The following HPSE2 variants were observed in gnomAD, a reference collection of about 807,000 sequenced individuals.
HPSE2 encodes heparanase 2 (inactive).
Under a neutral mutation model 60.5 loss-of-function variants are expected in HPSE2, and 38 were observed. The ratio of observed to expected loss-of-function variants is 0.63; its 90% confidence interval spans 0.48 to 0.82. The LOEUF is 0.82. Ranked by LOEUF, HPSE2 falls within the 40% of genes least tolerant of loss-of-function variation. HPSE2 has a pLI of 0.00. For synonymous variants in HPSE2, 295 were observed against 293.2 expected (o/e 1.01, Z -0.06); for missense variants, 713 against 740.4 (o/e 0.96, Z 0.43).
intron 9 of HPSE2, among the ~76,000 whole-genome samples, chr10:98,511,658 C>T (rs1942410874): frequency 6.6e-6 from 1 of 150,650 alleles, no homozygotes; most frequent in Non-Finnish European, 1.5e-5. Context: ...AAGGAAGTTT[C>T]TTGAGATCAG....
chr10:98,597,968 C>T (rs1216527231), intron 9 of HPSE2, among the ~76,000 whole-genome samples: 5 of 78,816 alleles, frequency 6.3e-5, no homozygotes, highest in African/African-American at 2.7e-4. Flanking sequence ...GAGACTCCAT[C>T]TCAAAAAAAA....
At chr10:99,016,243 C>T (rs1398146181) in intron 3 of HPSE2, among the ~76,000 whole-genome samples, 1 of 152,180 alleles carries the variant, frequency 6.6e-6, no homozygotes, top group Non-Finnish European at 1.5e-5. Flanking sequence ...TTTTAATCTT[C>T]TGCATATTGC....
At chr10:99,222,730 T>C (rs1849353216) in intron 2 of HPSE2, among the ~76,000 whole-genome samples, 2 of 152,226 alleles carry the variant, frequency 1.3e-5, no homozygotes, top group Admixed American at 6.5e-5. Flanking sequence ...AGTCCTTTCC[T>C]ACATTGGATC....
At chr10:99,279,172 G>A in the HPSE2 span, among the ~76,000 whole-genome samples, 3 of 152,116 alleles carry the variant, frequency 2.0e-5, no homozygotes, top group African/African-American at 4.8e-5. Flanking sequence ...ATAGAAGACA[G>A]AACCTGTTAG....
chr10:99,020,420 T>G (rs1275507082), intron 3 of HPSE2, among the ~76,000 whole-genome samples: 1 of 152,222 alleles, frequency 6.6e-6, no homozygotes, highest in African/African-American at 2.4e-5. Context: ...TATGGAATAC[T>G]GGTCTCCTGG....
intron 3 of HPSE2, among the ~76,000 whole-genome samples, chr10:98,774,978 G>T (rs1950310252): frequency 6.6e-6 from 1 of 152,176 alleles, no homozygotes; most frequent in South Asian, 2.1e-4. Context: ...TAGTGTTGTT[G>T]GTGACCTAGG....
intron 7 of HPSE2, among the ~76,000 whole-genome samples, chr10:98,634,362 A>G (rs912901949): frequency 2.6e-5 from 4 of 152,198 alleles, no homozygotes; most frequent in Non-Finnish European, 5.9e-5. Context: ...AATTAATCAA[A>G]CAAATACTGA....
chr10:98,966,818 A>G (rs1358891964), intron 3 of HPSE2, among the ~76,000 whole-genome samples: 1 of 152,248 alleles, frequency 6.6e-6, no homozygotes, highest in African/African-American at 2.4e-5. Context: ...ATAAATGTTC[A>G]GGTGACGAAT....
chr10:99,148,054 A>C (rs1043630281), intron 2 of HPSE2, among the ~76,000 whole-genome samples: 8 of 152,224 alleles, frequency 5.3e-5, no homozygotes, highest in Admixed American at 2.6e-4. Flanking sequence ...GCTTAATATA[A>C]GTCAGTGCTA....
chr10:98,851,627 A>C (rs1952175776), intron 3 of HPSE2, among the ~76,000 whole-genome samples: 1 of 152,146 alleles, frequency 6.6e-6, no homozygotes, highest in Non-Finnish European at 1.5e-5. Flanking sequence ...ATTTTGAGGG[A>C]ATCTTCCTTA....
intron 2 of HPSE2, among the ~76,000 whole-genome samples, chr10:99,202,331 A>G (rs768284176): frequency 6.6e-6 from 1 of 152,212 alleles, no homozygotes; most frequent in Non-Finnish European, 1.5e-5. Context: ...GGGTATTCAG[A>G]AATTCAATAT....
intron 10 of HPSE2, among the ~76,000 whole-genome samples, chr10:98,484,846 A>G (rs1941381452): frequency 6.6e-6 from 1 of 152,204 alleles, no homozygotes; most frequent in Non-Finnish European, 1.5e-5. Flanking sequence ...CAGCAAAACT[A>G]TAATGATTTC....
At chr10:98,481,817 A>G (rs1003235372) in intron 11 of HPSE2, among the ~76,000 whole-genome samples, 7 of 152,218 alleles carry the variant, frequency 4.6e-5, no homozygotes, top group African/African-American at 1.7e-4. Flanking sequence ...AAAATGGAAT[A>G]GGAATGCCTC....
chr10:99,286,934 A>G, the HPSE2 span, among the ~76,000 whole-genome samples: 1 of 152,186 alleles, frequency 6.6e-6, no homozygotes, highest in East Asian at 1.9e-4. Flanking sequence ...TGATGCTTAG[A>G]GAGCTTGCAG....
In HPSE2 at chr10:98,910,833, T is replaced by G. The variant is rs114318264; in HGVS notation, c.611-166777A>C. Reference sequence around the variant, plus strand: ...ATACATTTGTGGATTGAAAAAAAATTTTTAAGGTATTAAGGCATGAGTGCT... The same window carrying G: ...ATACATTTGTGGATTGAAAAAAAATGTTTAAGGTATTAAGGCATGAGTGCT... On this transcript the variant is annotated intron_variant, in intron 3 of 11. Transcript: ENST00000370552. 5.1e-3 allele frequency among the ~76,000 whole-genome samples: 774 copies of G among 152,270 alleles called. 5 individuals carry two copies. The highest frequency in any genetic ancestry group is 0.018 in the African/African-American group (737 of 41,538).
chr10:98,790,695 T>A (rs1442730779), intron 3 of HPSE2, among the ~76,000 whole-genome samples: 1 of 152,242 alleles, frequency 6.6e-6, no homozygotes, highest in South Asian at 2.1e-4. Context: ...CTTTACTGAA[T>A]ATTTCTACAA....
At chr10:99,251,862 CAAAAA>C in the HPSE2 span, among the ~76,000 whole-genome samples, 126 of 57,288 alleles carry the variant, frequency 2.2e-3, no homozygotes, top group African/African-American at 7.6e-3. Flanking sequence ...CTCTCTCTAC[CAAAAA>C]AAAAAAAAAA....
intron 3 of HPSE2, among the ~76,000 whole-genome samples, chr10:99,071,659 GT>G (rs984602618): frequency 1.3e-5 from 2 of 152,152 alleles, no homozygotes; most frequent in African/African-American, 2.4e-5. Flanking sequence ...TGACATGAAG[GT>G]TTCCTCCTAT....
intron 7 of HPSE2, among the ~76,000 whole-genome samples, chr10:98,640,791 T>A (rs1200536232): frequency 2.0e-5 from 3 of 152,200 alleles, no homozygotes; most frequent in Non-Finnish European, 4.4e-5. Flanking sequence ...ATTGTAGATG[T>A]AAGATCCTCA....
Sources: gnomAD v4.1 joint callset for allele counts (sites outside exome capture counted in the v4.1 genomes callset) on GRCh38, gnomAD v4.1.1 for gene constraint, MANE v1.5 for transcripts, NCBI Gene and HGNC (gene_info 2026-07-23, HGNC 2026-07-21) for gene names.